Variants in MEGF6 observed in about 807,000 individuals in gnomAD.
MEGF6 encodes the protein multiple epidermal growth factor-like domains protein 6.
MEGF6 carries 184 observed loss-of-function variants against 207.1 expected under a neutral mutation model. The observed-to-expected ratio is 0.89, with a 90% CI of 0.79 to 1.00. The LOEUF (loss-of-function observed/expected upper bound fraction) is 1.00, where lower values mean the gene tolerates loss of function less well. Among genes scored for constraint, MEGF6 ranks in the 50% least tolerant of loss-of-function variants. MEGF6 has a pLI of 0.00. For synonymous variants in MEGF6, 1,038 were observed against 910.0 expected (o/e 1.14, Z -2.53); for missense variants, 2,282 against 2,202.9 (o/e 1.04, Z -0.72).
At chr1:3,558,348 A>T (rs1179814495) in intron 4 of MEGF6, among the ~76,000 whole-genome samples, 2 of 152,160 alleles carry the variant, frequency 1.3e-5, no homozygotes, top group African/African-American at 4.8e-5. Flanking sequence ...AAAACTGAAC[A>T]TCTAGGTCTG....
At position 3,500,798 on chromosome 1, in the gene MEGF6, C is replaced by T. The variant is rs1267163211; in HGVS notation, c.2576-34G>A. On this transcript the variant is annotated intron_variant, in intron 20 of 36. Transcript: ENST00000356575. ...GAACTCAGGGTCACCCGGCGCAGGC[C>T]CAAGCGCGGGCCACGGGCACCACAG... is the stretch of plus-strand genomic sequence containing the variant. 3 of 1,599,132 alleles carry T rather than the reference C, an allele frequency of 1.9e-6. No individual in the cohort carries two copies. The East Asian group carries it at 6.7e-5, about 36-fold the overall frequency.
At chr1:3,497,685 G>A (rs1002952467) in intron 26 of MEGF6, 7 of 505,968 alleles carry the variant, frequency 1.4e-5, no homozygotes, top group Admixed American at 2.8e-5. Flanking sequence ...CATGGAAGGC[G>A]AAGGAGCCGG....
chr1:3,565,511 C>T lies in MEGF6; in HGVS notation c.481+14314G>A, dbSNP rs1444436808. Among the ~76,000 whole-genome samples, 1 of 152,182 alleles carries T rather than the reference C, an allele frequency of 6.6e-6. No homozygotes were observed. Among genetic ancestry groups the T allele is most frequent in the East Asian group, 1.9e-4 (1 of 5,186 alleles). On this transcript the variant is annotated intron_variant, in intron 4 of 36. Coordinates refer to ENST00000356575, the MANE Select transcript of MEGF6 (RefSeq NM_001409.4). This position sits in a 1 kb window ranked among gnomAD's most constrained non-coding sequence, Gnocchi z 4.8. ...CCAAGAGGGGTCCAGGGAGCAGGAC[C>T]AGGAGCCTATCGGTGCCTGGCTTGA...
chr1:3,540,819 C>T (rs967193082), intron 4 of MEGF6, among the ~76,000 whole-genome samples: 9 of 152,230 alleles, frequency 5.9e-5, no homozygotes, highest in African/African-American at 2.2e-4. Context: ...CTACGAGGCC[C>T]CACCTCTTCA....
chr1:3,501,687 A>G (rs1640875015), intron 18 of MEGF6, 109 bp downstream of exon 18: 1 of 1,420,616 alleles, frequency 7.0e-7, no homozygotes, highest in Non-Finnish European at 9.4e-7. Context: ...CACACCTGCT[A>G]TAGACGGGCC....
chr1:3,558,626 C>T, intron 4 of MEGF6, among the ~76,000 whole-genome samples: 1 of 152,226 alleles, frequency 6.6e-6, no homozygotes. Flanking sequence ...GGTCCAACTG[C>T]AGCCAATAGG....
At chr1:3,587,893 G>C (rs74841524) in intron 3 of MEGF6, among the ~76,000 whole-genome samples, 288 of 4,074 alleles carry the variant, frequency 0.071, 29 homozygotes, top group East Asian at 0.16. Context: ...TGGCCAGGAG[G>C]GGGCAGGAGT....
intron 1 of MEGF6, among the ~76,000 whole-genome samples, chr1:3,604,412 C>T (rs190150403): frequency 1.1e-4 from 17 of 152,258 alleles, no homozygotes; most frequent in Non-Finnish European, 1.9e-4. Context: ...CCAGACAGAC[C>T]GGCAGCTGCA....
intron 13 of MEGF6, among the ~76,000 whole-genome samples, chr1:3,508,269 G>A (rs79547674): frequency 0.046 from 7,015 of 152,260 alleles, 221 homozygotes; most frequent in East Asian, 0.11. Flanking sequence ...GTTATTTGCT[G>A]GCTTGCTTGT....
At chr1:3,542,132 A>C (rs1161199486) in intron 4 of MEGF6, among the ~76,000 whole-genome samples, 2 of 152,046 alleles carry the variant, frequency 1.3e-5, no homozygotes, top group Non-Finnish European at 2.9e-5. Flanking sequence ...TATCTCCTGG[A>C]AGGAGGGGTC....
At chr1:3,501,744 T>C (rs1350640598) in intron 18 of MEGF6, 52 bp downstream of exon 18, 1 of 1,590,876 alleles carries the variant, frequency 6.3e-7, no homozygotes, top group Non-Finnish European at 8.5e-7. Flanking sequence ...CCCCACCAGC[T>C]TGGAGCCGTG....
intron 1 of MEGF6, among the ~76,000 whole-genome samples, chr1:3,605,776 C>T (rs150416728): frequency 6.6e-6 from 1 of 152,344 alleles, no homozygotes; most frequent in African/African-American, 2.4e-5. Flanking sequence ...TTCTGGCTGC[C>T]AGGTGGGTTT....
Position 3,556,638 on chromosome 1 carries a change from C to T in MEGF6, c.481+23187G>A, listed in dbSNP as rs923237303. On this transcript the variant is annotated intron_variant, in intron 4 of 36. Transcript: ENST00000356575. The surrounding 1 kb of genome is among the most constrained non-coding windows in gnomAD (Gnocchi z 4.4). ...GCCTGAGGCCGGGACACACTGGAGACGAATAGGACTGACCACCAAGCAGAC... is the reference window on the plus strand; with the variant it reads ...GCCTGAGGCCGGGACACACTGGAGATGAATAGGACTGACCACCAAGCAGAC... 2.0e-5 allele frequency among the ~76,000 whole-genome samples: 3 copies of T among 152,106 alleles called. No individual in the cohort carries two copies. The highest frequency in any genetic ancestry group is 1.3e-4 in the Admixed American group (2 of 15,276).
intron 17 of MEGF6, among the ~76,000 whole-genome samples, chr1:3,503,677 T>C (rs1351076744): frequency 1.3e-5 from 2 of 151,152 alleles, no homozygotes; most frequent in Admixed American, 1.3e-4. Flanking sequence ...TGTGTATGTG[T>C]GTGTAAGCAG....
intron 23 of MEGF6, 46 bp downstream of exon 23, chr1:3,499,542 G>T: frequency 3.9e-6 from 6 of 1,547,610 alleles, no homozygotes; most frequent in Non-Finnish European, 5.2e-6. Context: ...GGAGGACCTG[G>T]CACCCCCTCC....
At chr1:3,509,303 C>A (rs2794359) in intron 11 of MEGF6, 58 bp from the exon 12 acceptor site, 130,922 of 1,373,300 alleles carry the variant, frequency 0.095, 6,827 homozygotes, top group Admixed American at 0.15. Context: ...CTCCAGCGAC[C>A]CCCCGGCGGG....
At chr1:3,512,598 T>A (rs1053075900) in intron 7 of MEGF6, among the ~76,000 whole-genome samples, 2 of 152,144 alleles carry the variant, frequency 1.3e-5, no homozygotes, top group African/African-American at 4.8e-5. Flanking sequence ...AGTGAGTAAG[T>A]CTCATGAGAT....
At chr1:3,500,087 C>T (rs1208315737) in intron 21 of MEGF6, among the ~76,000 whole-genome samples, 163 bp from the exon 22 acceptor site, 2 of 152,254 alleles carry the variant, frequency 1.3e-5, no homozygotes, top group African/African-American at 2.4e-5. Flanking sequence ...CTTCATCCCC[C>T]ACCCAGGTGG....
chr1:3,557,506 C>T (rs924211148), intron 4 of MEGF6, among the ~76,000 whole-genome samples: 2 of 152,212 alleles, frequency 1.3e-5, no homozygotes, highest in African/African-American at 2.4e-5. Context: ...GTGCCCACCT[C>T]GCTGGGCGGT....
Sources: gnomAD v4.1 joint callset for allele counts (sites outside exome capture counted in the v4.1 genomes callset) on GRCh38, gnomAD v4.1.1 for gene constraint, Gnocchi (gnomAD v3.1) non-coding constraint, MANE v1.5 for transcripts, NCBI Gene and HGNC (gene_info 2026-07-23, HGNC 2026-07-21) for gene names.